GCNT1: variants seen among roughly 807,000 people sequenced by gnomAD.
GCNT1 encodes the protein beta-1,3-galactosyl-O-glycosyl-glycoprotein beta-1,6-N-acetylglucosaminyltransferase.
Under a neutral mutation model 26.2 loss-of-function variants are expected in GCNT1, and 16 were observed. The observed-to-expected ratio is 0.61, with a 90% CI of 0.41 to 0.93. The LOEUF (loss-of-function observed/expected upper bound fraction) is 0.93, where lower values mean the gene tolerates loss of function less well. Ranked by LOEUF, GCNT1 falls within the 40% of genes least tolerant of loss-of-function variation. GCNT1 has a pLI of 0.00. For missense variants in GCNT1, 477 were observed against 526.7 expected (o/e 0.91, Z 0.92); for synonymous variants, 183 against 190.8 (o/e 0.96, Z 0.34).
At chr9:76,477,923 G>A (rs1824292218) in intron 2 of GCNT1, among the ~76,000 whole-genome samples, 1 of 152,204 alleles carries the variant, frequency 6.6e-6, no homozygotes, top group Admixed American at 6.5e-5. Flanking sequence ...TGGGGACTTG[G>A]AGAACTTTTG....
the GCNT1 span, among the ~76,000 whole-genome samples, chr9:76,398,193 A>C: frequency 1.3e-5 from 2 of 152,240 alleles, no homozygotes. Context: ...TTGTGAGGGA[A>C]AAGAAGGCTT....
Position 76,504,682 on chromosome 9 carries a change from G to T in GCNT1, c.*1014G>T, listed in dbSNP as rs1029102612. 1 of 413,050 alleles carries T rather than the reference G, an allele frequency of 2.4e-6. No homozygotes were observed. The highest frequency in any genetic ancestry group is 2.1e-5 in the African/African-American group (1 of 48,744). 25.6% of individuals were successfully genotyped at this position (413,050 alleles called of 1,614,324 possible). A position where few individuals can be genotyped will look rare whatever the true frequency, so the allele number is the denominator to read the frequency against. On this transcript the variant is annotated 3_prime_UTR_variant, in exon 4 of 4. Coordinates refer to ENST00000376730, the MANE Select transcript of GCNT1 (RefSeq NM_001490.5). ...CATTGACACCATCCCCAAAATTAAG[G>T]CTGTCGCTTATTGAATCCACTTGTG...
intron 1 of GCNT1, among the ~76,000 whole-genome samples, chr9:76,430,755 C>T (rs908635297): frequency 3.3e-5 from 5 of 152,136 alleles, no homozygotes; most frequent in African/African-American, 4.8e-5. Context: ...GCAATCTCAG[C>T]TCACTGCAAC....
At chr9:76,427,975 C>T (rs1823278168) in intron 1 of GCNT1, among the ~76,000 whole-genome samples, 1 of 152,054 alleles carries the variant, frequency 6.6e-6, no homozygotes, top group South Asian at 2.1e-4. Flanking sequence ...GAGCAAGACT[C>T]TATCTCAAAA....
intron 2 of GCNT1, among the ~76,000 whole-genome samples, chr9:76,465,219 G>A (rs1324502038): frequency 6.6e-6 from 1 of 150,742 alleles, no homozygotes; most frequent in African/African-American, 2.4e-5. Context: ...GAGTGCAATG[G>A]TGCAATCTCG....
intron 2 of GCNT1, among the ~76,000 whole-genome samples, chr9:76,484,952 C>G (rs574626799): frequency 6.6e-6 from 1 of 152,084 alleles, no homozygotes; most frequent in East Asian, 1.9e-4. Context: ...CCACACCCAG[C>G]TAATTTTTGT....
At chr9:76,430,523 G>C (rs1044280030) in intron 1 of GCNT1, among the ~76,000 whole-genome samples, 4 of 151,850 alleles carry the variant, frequency 2.6e-5, no homozygotes, top group African/African-American at 9.7e-5. Context: ...CTGGGACTAA[G>C]GGTGCTTGCC....
upstream of GCNT1, among the ~76,000 whole-genome samples, chr9:76,418,055 T>A (rs542774477): frequency 6.6e-6 from 1 of 152,260 alleles, no homozygotes; most frequent in East Asian, 1.9e-4. Context: ...GTTTTATACA[T>A]TTTAGGGAGA....
At chr9:76,462,505 A>G (rs1225722916) in intron 2 of GCNT1, among the ~76,000 whole-genome samples, 1 of 152,126 alleles carries the variant, frequency 6.6e-6, no homozygotes, top group East Asian at 1.9e-4. Context: ...TCTGGCCTCT[A>G]CCTACTAAAT....
At chr9:76,394,872 A>G in the GCNT1 span, among the ~76,000 whole-genome samples, 12 of 152,320 alleles carry the variant, frequency 7.9e-5, no homozygotes, top group South Asian at 2.1e-4. Flanking sequence ...TTAAAGCTCC[A>G]AAATTCAGCT....
the GCNT1 span, chr9:76,394,147 G>C: frequency 6.2e-7 from 1 of 1,609,082 alleles, no homozygotes; most frequent in East Asian, 2.2e-5. Flanking sequence ...ACTTGACCCC[G>C]GCAGAAGTAA....
chr9:76,476,653 G>T (rs1587437148), intron 2 of GCNT1, among the ~76,000 whole-genome samples: 1 of 152,124 alleles, frequency 6.6e-6, no homozygotes, highest in African/African-American at 2.4e-5. Context: ...CTGCCTGAGA[G>T]GACAGGTTTT....
chr9:76,488,128 C>T (rs568838500), intron 2 of GCNT1, among the ~76,000 whole-genome samples: 6 of 152,178 alleles, frequency 3.9e-5, no homozygotes, highest in African/African-American at 1.4e-4. Context: ...AGTTTCCCCC[C>T]TCCCCTGAAA....
intron 2 of GCNT1, among the ~76,000 whole-genome samples, chr9:76,483,767 A>C (rs1824488785): frequency 6.6e-6 from 1 of 152,066 alleles, no homozygotes; most frequent in Non-Finnish European, 1.5e-5. Context: ...CCTCCACCAC[A>C]CTTGCACTCA....
upstream of GCNT1, among the ~76,000 whole-genome samples, chr9:76,416,787 A>G (rs1328312050): frequency 6.6e-6 from 1 of 152,230 alleles, no homozygotes; most frequent in Non-Finnish European, 1.5e-5. Flanking sequence ...GGCTGGGTGC[A>G]GTGGCTCACG....
chr9:76,449,640 T>C (rs912566459), intron 1 of GCNT1, among the ~76,000 whole-genome samples: 2 of 152,194 alleles, frequency 1.3e-5, no homozygotes, highest in African/African-American at 4.8e-5. Flanking sequence ...CTCTCCCCAT[T>C]TCCCTTGTCT....
At chr9:76,448,398 G>A (rs1823610693) in intron 1 of GCNT1, among the ~76,000 whole-genome samples, 1 of 152,154 alleles carries the variant, frequency 6.6e-6, no homozygotes, top group African/African-American at 2.4e-5. Context: ...GCTACAGTGA[G>A]CTGTGATCAT....
chr9:76,478,227 T>C (rs1156649035), intron 2 of GCNT1, among the ~76,000 whole-genome samples: 1 of 152,224 alleles, frequency 6.6e-6, no homozygotes, highest in Non-Finnish European at 1.5e-5. Context: ...ACAATAAATC[T>C]TGCTGTTGGT....
chr9:76,479,832 T>C (rs1824371985), intron 2 of GCNT1, among the ~76,000 whole-genome samples: 2 of 152,226 alleles, frequency 1.3e-5, no homozygotes, highest in African/African-American at 4.8e-5. Context: ...GTAGTTTCTT[T>C]TGCTGTGCAG....
Sources: allele counts gnomAD v4.1 joint callset (sites outside exome capture counted in the v4.1 genomes callset), GRCh38; gene constraint gnomAD v4.1.1; transcripts MANE v1.5; gene names NCBI Gene and HGNC (gene_info 2026-07-23, HGNC 2026-07-21).